Variants in MBNL1 observed in about 807,000 individuals in gnomAD.
The protein encoded by MBNL1 is muscleblind like splicing regulator 1, also known as muscleblind-like protein 1.
MBNL1 carries 8 observed loss-of-function variants against 42.2 expected under a neutral mutation model. That is an observed-to-expected ratio of 0.19 (90% confidence interval 0.11 to 0.34). The LOEUF (loss-of-function observed/expected upper bound fraction) is 0.34. MBNL1 is among the 10% of genes least tolerant of loss of function. The pLI is 1.00. For synonymous variants in MBNL1, 169 were observed against 173.9 expected, an observed-to-expected ratio of 0.97 and a Z score of 0.22; for missense variants, 309 against 495.3, an observed-to-expected ratio of 0.62 and a Z score of 3.57.
intron 2 of MBNL1, among the ~76,000 whole-genome samples, chr3:152,317,470 C>G (rs568482456): frequency 6.6e-6 from 1 of 152,064 alleles, no homozygotes; most frequent in Non-Finnish European, 1.5e-5. Context: ...CAGGCATGCA[C>G]CACCATGCCG....
At chr3:152,372,373 G>A (rs2096705262) in intron 2 of MBNL1, among the ~76,000 whole-genome samples, 2 of 152,168 alleles carry the variant, frequency 1.3e-5, no homozygotes, top group African/African-American at 2.4e-5. Flanking sequence ...AGGAGAAGAG[G>A]TGTTCTGGTT....
At position 152,459,336 on chromosome 3, in the gene MBNL1, T is replaced by C; in HGVS notation, c.*9T>C. The C allele has an allele frequency of 1.3e-6, 2 of 1,559,338 alleles. No homozygotes were observed. Among genetic ancestry groups the C allele is most frequent in the Non-Finnish European group, 1.7e-6 (2 of 1,146,002 alleles). On this transcript the variant is annotated 3_prime_UTR_variant, in exon 9 of 10. Coordinates refer to ENST00000324210, the MANE Select transcript of MBNL1 (RefSeq NM_021038.5). ...ATGTTACCCAGATGTAGAATTTTCATCACTAAACAGTAAGTTCATTATGTA... is the reference window on the plus strand; with the variant it reads ...ATGTTACCCAGATGTAGAATTTTCACCACTAAACAGTAAGTTCATTATGTA...
rs563725860 is a variant in MBNL1, at chr3:152,411,349, A to G, written c.175-3592A>G. The stretch of plus-strand genomic sequence containing the variant: ...ATCCTGGCTAACATGGTGAAACCCC[A>G]TCTGTACTAAAAATACAAAAATTAG... On this transcript the variant is annotated intron_variant, in intron 2 of 9. Coordinates refer to ENST00000324210, the MANE Select transcript of MBNL1 (RefSeq NM_021038.5). Among the ~76,000 whole-genome samples the G allele has an allele frequency of 2.8e-4, 43 of 152,148 alleles. No homozygotes were observed. In the South Asian group the frequency reaches 7.1e-3, roughly 25 times the overall value.
At chr3:152,301,566 C>T (rs1193560232) in intron 2 of MBNL1, among the ~76,000 whole-genome samples, 5 of 152,008 alleles carry the variant, frequency 3.3e-5, no homozygotes, top group Non-Finnish European at 5.9e-5. Context: ...CCAAAGATTT[C>T]GAGAATATGA....
intron 6 of MBNL1, among the ~76,000 whole-genome samples, chr3:152,454,127 G>A (rs1728968008): frequency 6.6e-6 from 1 of 152,144 alleles, no homozygotes; most frequent in Non-Finnish European, 1.5e-5. Context: ...CTCAGTAGTA[G>A]TAGCAAATGA....
chr3:152,264,873 T>C (rs1230708353), upstream of MBNL1: 1 of 152,056 alleles, frequency 6.6e-6, no homozygotes, highest in Non-Finnish European at 1.5e-5. Flanking sequence ...CACATTCATG[T>C]GCAATATACG....
chr3:152,273,385 T>C (rs2043040966), intron 1 of MBNL1, among the ~76,000 whole-genome samples: 1 of 152,182 alleles, frequency 6.6e-6, no homozygotes, highest in Non-Finnish European at 1.5e-5. Context: ...AGTAAATACA[T>C]GGTTATAGTT....
At chr3:152,446,436 T>C (rs1178118271) in intron 5 of MBNL1, among the ~76,000 whole-genome samples, 11 of 152,312 alleles carry the variant, frequency 7.2e-5, no homozygotes, top group Admixed American at 7.2e-4. Context: ...TTCACTCTTT[T>C]TTTTTTCTGT....
intron 4 of MBNL1, among the ~76,000 whole-genome samples, chr3:152,441,019 T>C (rs562770727): frequency 2.0e-5 from 3 of 152,350 alleles, no homozygotes; most frequent in African/African-American, 7.2e-5. Flanking sequence ...AATGTTAAAA[T>C]GGACAAAGTC....
chr3:152,309,331 C>CA (rs1409146280), intron 2 of MBNL1, among the ~76,000 whole-genome samples: 3 of 152,104 alleles, frequency 2.0e-5, no homozygotes, highest in African/African-American at 7.2e-5. Flanking sequence ...TTAGGCCCAG[C>CA]AAAATTGTTC....
chr3:152,349,152 G>C (rs536763634), intron 2 of MBNL1, among the ~76,000 whole-genome samples: 117 of 152,162 alleles, frequency 7.7e-4, no homozygotes, highest in African/African-American at 2.6e-3. Context: ...CCCTAAGAAT[G>C]TATCCCTTGT....
At chr3:152,416,633 C>T (rs1342229518) in intron 3 of MBNL1, among the ~76,000 whole-genome samples, 2 of 152,164 alleles carry the variant, frequency 1.3e-5, no homozygotes, top group Non-Finnish European at 1.5e-5. Context: ...CCAGGCTGTA[C>T]CCTCTCTGTG....
At chr3:152,430,210 A>G (rs1028100560) in intron 3 of MBNL1, among the ~76,000 whole-genome samples, 1 of 152,198 alleles carries the variant, frequency 6.6e-6, no homozygotes, top group Non-Finnish European at 1.5e-5. Flanking sequence ...AGATTTAGAG[A>G]GCTGAGTTTT....
intron 2 of MBNL1, among the ~76,000 whole-genome samples, chr3:152,386,331 T>G (rs2097422088): frequency 6.6e-6 from 1 of 152,078 alleles, no homozygotes; most frequent in African/African-American, 2.4e-5. Flanking sequence ...TCTCTAATTG[T>G]GTTTTTCACA....
chr3:152,288,317 G>A (rs903809125), intron 1 of MBNL1, among the ~76,000 whole-genome samples: 2 of 152,102 alleles, frequency 1.3e-5, no homozygotes, highest in Non-Finnish European at 2.9e-5. Context: ...ATTTTAATTA[G>A]AAGTGCATGC....
intron 2 of MBNL1, chr3:152,335,259 G>A: frequency 7.8e-7 from 1 of 1,289,776 alleles, no homozygotes; most frequent in Non-Finnish European, 1.0e-6. Flanking sequence ...TGGGGAGCCA[G>A]TTTGCTAAGA....
intron 2 of MBNL1, among the ~76,000 whole-genome samples, chr3:152,378,591 TGAAA>T (rs1283245886): frequency 1.3e-5 from 2 of 152,188 alleles, no homozygotes; most frequent in Admixed American, 1.3e-4. Flanking sequence ...CTTTTTCCTT[TGAAA>T]GATTTTCTCT....
rs1288941117 is a variant in MBNL1 at position 152,465,002 on chromosome 3, G to C, written c.*2636G>C. The C allele has an allele frequency of 6.6e-6, 1 of 152,556 alleles. No homozygotes were observed. The highest frequency in any genetic ancestry group is 1.5e-5 in the Non-Finnish European group (1 of 68,042). The allele number at this position is 152,556 out of a possible 1,614,324, so 9.5% of individuals were successfully genotyped here. ...AAACATGTTGCTTTGCTTTCTTGTG[G>C]ACAGCTTGTAGTTTGCCAGGATTTT... On this transcript the variant is annotated 3_prime_UTR_variant, in exon 10 of 10. Transcript: ENST00000324210.
chr3:152,377,388 A>G (rs760344815), intron 2 of MBNL1, among the ~76,000 whole-genome samples: 1 of 152,284 alleles, frequency 6.6e-6, no homozygotes, highest in Non-Finnish European at 1.5e-5. Flanking sequence ...AGGTGGTTAT[A>G]GAACCGAAAT....
Sources: allele counts gnomAD v4.1 joint callset (sites outside exome capture counted in the v4.1 genomes callset), GRCh38; gene constraint gnomAD v4.1.1; transcripts MANE v1.5; gene names NCBI Gene and HGNC (gene_info 2026-07-23, HGNC 2026-07-21).